The following POU2F2 variants were observed in gnomAD, a reference collection of about 807,000 sequenced individuals.
POU2F2 encodes the protein POU domain, class 2, transcription factor 2.
In POU2F2, 14 loss-of-function variants were observed where a neutral mutation model predicts 63.5. That is an observed-to-expected ratio of 0.22 (90% CI 0.15 to 0.34). The LOEUF is 0.34. Ranked by LOEUF, POU2F2 falls within the 10% of genes least tolerant of loss-of-function variation. The pLI, the probability that POU2F2 is intolerant of heterozygous loss-of-function variation, is 1.00. For missense variants in POU2F2, 607 were observed against 815.2 expected (o/e 0.74, Z 3.11); for synonymous variants, 306 against 348.6 (o/e 0.88, Z 1.36).
intron 1 of POU2F2, among the ~76,000 whole-genome samples, chr19:42,124,581 G>C (rs2033013897): frequency 6.6e-6 from 1 of 152,182 alleles, no homozygotes; most frequent in African/African-American, 2.4e-5. Context: ...CTGCCCAAAA[G>C]AAACACGTGT....
intron 1 of POU2F2, among the ~76,000 whole-genome samples, chr19:42,189,811 C>A (rs1394159736): frequency 6.6e-6 from 1 of 152,186 alleles, no homozygotes; most frequent in African/African-American, 2.4e-5. Flanking sequence ...TAGCCTCAAT[C>A]TCCCAGGCTC....
At chr19:42,197,776 C>A (rs1261476987), upstream of POU2F2, among the ~76,000 whole-genome samples, 1 of 152,170 alleles carries the variant, frequency 6.6e-6, no homozygotes, top group African/African-American at 2.4e-5. Flanking sequence ...CACGTGGAGA[C>A]AAATTCCAGG....
chr19:42,126,030 G>A (rs147459234), intron 1 of POU2F2, among the ~76,000 whole-genome samples: 2 of 152,232 alleles, frequency 1.3e-5, no homozygotes, highest in East Asian at 1.9e-4. Context: ...ATTCATACAC[G>A]GAAGTCCTAA....
At chr19:42,188,338 C>T (rs1464743476) in intron 1 of POU2F2, among the ~76,000 whole-genome samples, 7 of 150,634 alleles carry the variant, frequency 4.6e-5, no homozygotes, top group African/African-American at 9.8e-5. Flanking sequence ...TGCACTGCAA[C>T]CTGGGTGACA....
At position 42,092,505 on chromosome 19, in the gene POU2F2, C is replaced by G. The variant is rs1015528817; in HGVS notation, c.1265-235G>C. ...AGGTGCTTCCTGCTGAGCCCTGGCACTCTACACTCCCTGCCCTGAACCACT... is the reference window on the plus strand; with the variant it reads ...AGGTGCTTCCTGCTGAGCCCTGGCAGTCTACACTCCCTGCCCTGAACCACT... On this transcript the variant is annotated intron_variant, in intron 12 of 14. Coordinates refer to ENST00000692977, the MANE Select transcript of POU2F2 (RefSeq NM_001394376.1). This position sits in a 1 kb window ranked among gnomAD's most constrained non-coding sequence, Gnocchi z 5.0. 2.6e-5 allele frequency among the ~76,000 whole-genome samples: 4 copies of G among 152,194 alleles called. No individual in the cohort carries two copies. The highest frequency in any genetic ancestry group is 9.7e-5 in the African/African-American group (4 of 41,444).
chr19:42,163,225 C>T (rs1379395448), intron 1 of POU2F2, among the ~76,000 whole-genome samples: 2 of 152,088 alleles, frequency 1.3e-5, no homozygotes, highest in Non-Finnish European at 2.9e-5. Context: ...ATGGGGCTCC[C>T]GGTTCTGGGG....
upstream of POU2F2, among the ~76,000 whole-genome samples, chr19:42,197,014 G>A (rs973552951): frequency 1.3e-5 from 2 of 152,228 alleles, no homozygotes; most frequent in Non-Finnish European, 2.9e-5. Context: ...GTATTCAAAT[G>A]AGGCCAGGAG....
At chr19:42,094,568 G>C (rs747852184) in intron 11 of POU2F2, among the ~76,000 whole-genome samples, 2 of 152,064 alleles carry the variant, frequency 1.3e-5, no homozygotes, top group African/African-American at 2.4e-5. Flanking sequence ...TAAAACTTGG[G>C]GTACATGCCC....
At chr19:42,141,062 C>G (rs1323941376) in intron 2 of POU2F2, among the ~76,000 whole-genome samples, 2 of 152,236 alleles carry the variant, frequency 1.3e-5, no homozygotes, top group African/African-American at 4.8e-5. Context: ...TCTCTGGAAG[C>G]CTTCCCTGAC....
Position 42,096,250 on chromosome 19 carries a change from G to C in POU2F2, c.568-7C>G. ...GCGTAGGGCGGGTCACGGCCTGGTGGGGTGGGCAGGTGGGTGGGATGCAGG... is the reference window on the plus strand; with the variant it reads ...GCGTAGGGCGGGTCACGGCCTGGTGCGGTGGGCAGGTGGGTGGGATGCAGG... On this transcript the variant is annotated splice_region_variant and splice_polypyrimidine_tract_variant and intron_variant, in intron 7 of 14. Transcript: ENST00000692977. This position sits in a 1 kb window ranked among gnomAD's most constrained non-coding sequence, Gnocchi z 4.1. 6.4e-7 allele frequency: 1 copy of C among 1,558,114 alleles called. No individual in the cohort carries two copies. The highest frequency in any genetic ancestry group is 8.7e-7 in the Non-Finnish European group (1 of 1,153,314).
intron 1 of POU2F2, among the ~76,000 whole-genome samples, chr19:42,187,519 C>T (rs191324398): frequency 2.0e-5 from 3 of 147,768 alleles, no homozygotes; most frequent in South Asian, 2.2e-4. Context: ...CCTAGCACTT[C>T]GGGAGGCCAA....
intron 5 of POU2F2, among the ~76,000 whole-genome samples, chr19:42,113,319 C>T (rs76939381): frequency 0.02 from 3,045 of 152,242 alleles, 98 homozygotes; most frequent in African/African-American, 0.068. Context: ...GAAAATCTGC[C>T]GCAAAACATC....
At chr19:42,135,930 C>T (rs1242987890), upstream of POU2F2, among the ~76,000 whole-genome samples, 2 of 151,884 alleles carry the variant, frequency 1.3e-5, no homozygotes, top group East Asian at 1.9e-4. Flanking sequence ...AAACTGGTCT[C>T]GAACTCCTGA....
upstream of POU2F2, among the ~76,000 whole-genome samples, chr19:42,196,742 G>A (rs1006481149): frequency 1.3e-5 from 2 of 152,278 alleles, no homozygotes; most frequent in African/African-American, 4.8e-5. Flanking sequence ...GCTCAAGGGA[G>A]CTCCACGGCG....
At position 42,155,026 on chromosome 19, in the gene POU2F2, T is replaced by C. The variant is rs989479954; in HGVS notation, c.-9+5306A>G. On this transcript the variant is annotated intron_variant, in intron 2 of 6. Transcript: ENST00000524801. This position sits in a 1 kb window ranked among gnomAD's most constrained non-coding sequence, Gnocchi z 4.2. ...CACACAGTCCACACACACCAGGGCC[T>C]TGGCCAATTTCCTCGTACTCTGCCA... Among the ~76,000 whole-genome samples the C allele has an allele frequency of 2.6e-5, 4 of 152,188 alleles. No homozygotes were observed. The highest frequency in any genetic ancestry group is 5.9e-5 in the Non-Finnish European group (4 of 68,022).
At chr19:42,101,267 T>C (rs957181778) in intron 5 of POU2F2, among the ~76,000 whole-genome samples, 1 of 151,212 alleles carries the variant, frequency 6.6e-6, no homozygotes, top group Admixed American at 6.6e-5. Flanking sequence ...CCCCACTCCC[T>C]GCCACCCCCC....
upstream of POU2F2, among the ~76,000 whole-genome samples, chr19:42,178,367 A>G (rs778393585): frequency 2.3e-4 from 35 of 152,208 alleles, no homozygotes; most frequent in Non-Finnish European, 3.8e-4. Flanking sequence ...AGACACAGAA[A>G]TAAGAGAGAT....
chr19:42,097,632 A>C (rs921490530), intron 7 of POU2F2, among the ~76,000 whole-genome samples: 4 of 152,016 alleles, frequency 2.6e-5, no homozygotes, highest in African/African-American at 9.7e-5. Flanking sequence ...CAACATGGCG[A>C]AACCCTATCT....
At chr19:42,123,863 T>A (rs1026553227) in intron 1 of POU2F2, among the ~76,000 whole-genome samples, 1 of 152,134 alleles carries the variant, frequency 6.6e-6, no homozygotes, top group African/African-American at 2.4e-5. Flanking sequence ...AAGTCCTTCA[T>A]CTGACCTTGA....
Sources: allele counts gnomAD v4.1 joint callset (sites outside exome capture counted in the v4.1 genomes callset), GRCh38; gene constraint gnomAD v4.1.1; non-coding constraint Gnocchi (gnomAD v3.1); transcripts MANE v1.5; gene names NCBI Gene and HGNC (gene_info 2026-07-23, HGNC 2026-07-21).